The following SPDEF variants were observed in gnomAD, a reference collection of about 807,000 sequenced individuals.
SPDEF encodes the protein SAM pointed domain-containing Ets transcription factor.
Under a neutral mutation model 36.0 loss-of-function variants are expected in SPDEF, and 12 were observed. That is an observed-to-expected ratio of 0.33 (90% CI 0.21 to 0.54). The LOEUF (loss-of-function observed/expected upper bound fraction) is 0.54, where lower values mean the gene tolerates loss of function less well. SPDEF is among the 20% of genes least tolerant of loss of function. The probability of loss-of-function intolerance (pLI) is 0.93; values close to 1 mark genes in which losing one functional copy is unlikely to be tolerated. For missense variants in SPDEF, 388 were observed against 456.9 expected (o/e 0.85, Z 1.37); for synonymous variants, 205 against 193.0 (o/e 1.06, Z -0.51).
In SPDEF at chr6:34,541,195, A is replaced by T. The variant is rs376417530; in HGVS notation, c.437-14T>A. On this transcript the variant is annotated splice_polypyrimidine_tract_variant and intron_variant, in intron 2 of 5. Coordinates refer to ENST00000374037, the MANE Select transcript of SPDEF (RefSeq NM_012391.3). ...AGTCCATGGGATCTGGGCAAGAGGC[A>T]TCCCCTCAGCTCAGGGGTGGCCTGA... 252 of 1,585,888 alleles carry T rather than the reference A, an allele frequency of 1.6e-4. No individual in the cohort carries two copies. In the African/African-American group the frequency reaches 3.0e-3, roughly 19 times the overall value.
At position 34,540,985 on chromosome 6, in the gene SPDEF, T is replaced by C. The variant is rs763944698; in HGVS notation, c.633A>G (p.Ser211=). The change falls in exon 3 of 6, where the codon TCA becomes TCG. Residue 211 remains serine (S), a splice_region_variant and synonymous_variant. Transcript: ENST00000374037. ...GCTCCCAGCCATGCCACATCCTACC[T>C]GACTTCCAGATGTCCAGGTGGGCGT... The part of the protein sequence containing the change: ...VLHAHLDIWK[S]AAWMKERTSP... 1.5e-5 allele frequency: 24 copies of C among 1,609,920 alleles called. No homozygotes were observed. The highest frequency in any genetic ancestry group is 2.2e-4 in the Middle Eastern group (1 of 4,642).
intron 2 of SPDEF, 146 bp downstream of exon 2, chr6:34,543,874 T>G: frequency 1.4e-6 from 1 of 709,966 alleles, no homozygotes; most frequent in Non-Finnish European, 2.3e-6. Flanking sequence ...CAGCTGACTG[T>G]GTGTAGAAGT....
intron 2 of SPDEF, among the ~76,000 whole-genome samples, chr6:34,542,772 C>G (rs976309870): frequency 6.6e-6 from 1 of 151,692 alleles, no homozygotes; most frequent in Non-Finnish European, 1.5e-5. Context: ...CACCTGTAAT[C>G]CCAGCTTCTC....
rs1582000428 is a variant in SPDEF at position 34,544,491 on chromosome 6, A to G, written c.-29-7T>C. 6.7e-7 allele frequency: 1 copy of G among 1,498,902 alleles called. No homozygotes were observed. 92.9% of individuals were successfully genotyped at this position (1,498,902 alleles called of 1,614,324 possible). On this transcript the variant is annotated splice_region_variant and splice_polypyrimidine_tract_variant and intron_variant, in intron 1 of 5. Coordinates refer to ENST00000374037, the MANE Select transcript of SPDEF (RefSeq NM_012391.3). The surrounding 1 kb of genome is among the most constrained non-coding windows in gnomAD (Gnocchi z 4.4). ...TTTGGGCTGGCGGCTGTGTCTACGG[A>G]AATGAAAGAGGACTCAGGTTTGACT...
chr6:34,541,400 A>G (rs1026703629), intron 2 of SPDEF, among the ~76,000 whole-genome samples: 2 of 152,170 alleles, frequency 1.3e-5, no homozygotes, highest in African/African-American at 4.8e-5. Flanking sequence ...AACTTGGTTC[A>G]GGGCAGGGTA....
Position 34,540,696 on chromosome 6 carries a change from C to T in SPDEF, c.634+288G>A, listed in dbSNP as rs539615060. 3.9e-5 allele frequency among the ~76,000 whole-genome samples: 6 copies of T among 152,296 alleles called. No homozygotes were observed. The South Asian group carries it at 6.2e-4, about 16-fold the overall frequency. On this transcript the variant is annotated intron_variant, in intron 3 of 5. Transcript: ENST00000374037. The stretch of plus-strand genomic sequence containing the variant: ...AGGAAAAAGGACTTCCTAGTATCCA[C>T]GGTTGTCCCCAGCTCTGACATCCTG...
chr6:34,539,579 G>A lies in SPDEF; in HGVS notation c.635-17C>T, dbSNP rs113396074. 57 of 1,561,600 alleles carry A rather than the reference G, an allele frequency of 3.7e-5. No individual in the cohort carries two copies. The Middle Eastern group carries it at 6.3e-4, about 17-fold the overall frequency. ...TCCAGGCCGCTGCAGGGCAAGGAGAGGGGGTTGGGGACCCAGGAGAGGCCC... is the reference window on the plus strand; with the variant it reads ...TCCAGGCCGCTGCAGGGCAAGGAGAAGGGGTTGGGGACCCAGGAGAGGCCC... On this transcript the variant is annotated splice_polypyrimidine_tract_variant and intron_variant, in intron 3 of 5. Transcript: ENST00000374037. The surrounding 1 kb of genome is among the most constrained non-coding windows in gnomAD (Gnocchi z 5.2).
Position 34,544,554 on chromosome 6 carries a change from G to T in SPDEF, c.-29-70C>A. 1 of 1,261,558 alleles carries T rather than the reference G, an allele frequency of 7.9e-7. No individual in the cohort carries two copies. The highest frequency in any genetic ancestry group is 1.1e-6 in the Non-Finnish European group (1 of 943,056). The allele number at this position is 1,261,558 out of a possible 1,614,324, so 78.1% of individuals were successfully genotyped here. ...CTGTGGGGGCCGCTAAGCTGGTTAT[G>T]GGGATGAGGGGCCCTGTGGACAGTG... On this transcript the variant is annotated intron_variant, in intron 1 of 5. Coordinates refer to ENST00000374037, the MANE Select transcript of SPDEF (RefSeq NM_012391.3). The surrounding 1 kb of genome is among the most constrained non-coding windows in gnomAD (Gnocchi z 4.4).
chr6:34,544,376 C>G lies in SPDEF; in HGVS notation c.80G>C (p.Gly27Ala). 6.2e-7 allele frequency: 1 copy of G among 1,600,316 alleles called. No individual in the cohort carries two copies. The highest frequency in any genetic ancestry group is 8.5e-7 in the Non-Finnish European group (1 of 1,173,718). The change falls in exon 2 of 6, where the codon GGC (glycine) becomes GCC (alanine). Residue 27 changes from glycine to alanine, a missense_variant. Gly to Ala is a moderately conservative substitution (Grantham distance 60, BLOSUM62 0). Transcript: ENST00000374037. This position sits in a 1 kb window ranked among gnomAD's most constrained non-coding sequence, Gnocchi z 4.4. ...TGCCCCCGCTGCCGCCTTCTCCAAG[C>G]CTGTCCGCGACACCGTGTCGGGGGG... is the stretch of plus-strand genomic sequence containing the variant. ...LLPPDTVSRT[G>A]LEKAAAGAVG...
In SPDEF at chr6:34,538,218, C is replaced by G; in HGVS notation, c.*56G>C. ...CCCCCATCTCAGGGCCTGGCTGAGG[C>G]AGGGCAGGCAGGAGAGAGGCCCCTG... On this transcript the variant is annotated 3_prime_UTR_variant, in exon 6 of 6. Transcript: ENST00000374037. The surrounding 1 kb of genome is among the most constrained non-coding windows in gnomAD (Gnocchi z 5.9). The G allele has an allele frequency of 6.5e-7, 1 of 1,547,378 alleles. No individual in the cohort carries two copies. The highest frequency in any genetic ancestry group is 8.8e-7 in the Non-Finnish European group (1 of 1,132,326).
Position 34,541,038 on chromosome 6 carries a change from G to A in SPDEF, c.580C>T (p.Arg194Cys), listed in dbSNP as rs776371276. Reference protein sequence around the residue: ...CAMSEEQFRQRSPLGGDVLHA... With the variant: ...CAMSEEQFRQCSPLGGDVLHA... Reference sequence around the variant, plus strand: ...AGCACATCCCCACCCAGGGGCGAGCGCTGGCGGAACTGCTCCTCCGACATG... The same window carrying A: ...AGCACATCCCCACCCAGGGGCGAGCACTGGCGGAACTGCTCCTCCGACATG... Residue 194 changes from arginine to cysteine, a missense_variant, in exon 3 of 6, where the codon CGC becomes TGC. By Grantham distance (180) the Arg-to-Cys change is radical. This residue lies in a region of SPDEF where 308 missense variants were observed against 326.1 expected (regional missense o/e 0.94). Transcript: ENST00000374037. 104 of 1,612,338 alleles carry A rather than the reference G, an allele frequency of 6.5e-5. No homozygotes were observed. The highest frequency in any genetic ancestry group is 3.7e-4 in the Middle Eastern group (2 of 5,410).
At chr6:34,546,924 G>C (rs1277795570) in intron 1 of SPDEF, among the ~76,000 whole-genome samples, 1 of 152,088 alleles carries the variant, frequency 6.6e-6, no homozygotes, top group Non-Finnish European at 1.5e-5. Context: ...CCAACAGCTC[G>C]CTCTGCCCCT....
Position 34,552,542 on chromosome 6 carries a change from C to A in SPDEF, c.-30+3387G>T, listed in dbSNP as rs953091500. Among the ~76,000 whole-genome samples, 2 of 152,198 alleles carry A rather than the reference C, an allele frequency of 1.3e-5. No homozygotes were observed. Among genetic ancestry groups the A allele is most frequent in the African/African-American group, 4.8e-5 (2 of 41,440 alleles). On this transcript the variant is annotated intron_variant, in intron 1 of 5. Transcript: ENST00000374037. This position sits in a 1 kb window ranked among gnomAD's most constrained non-coding sequence, Gnocchi z 4.6. ...GCTGTCTCCATCTGCCGTGTTTCTG[C>A]GGCCCCTCCAGACCCAGCACAGGCC...
In SPDEF at chr6:34,555,241, G is replaced by T. The variant is rs374174719; in HGVS notation, c.-30+688C>A. 3.7e-4 allele frequency among the ~76,000 whole-genome samples: 56 copies of T among 152,080 alleles called. 2 individuals carry two copies. The East Asian group carries it at 5.6e-3, about 15-fold the overall frequency. On this transcript the variant is annotated intron_variant, in intron 1 of 5. Coordinates refer to ENST00000374037, the MANE Select transcript of SPDEF (RefSeq NM_012391.3). The surrounding 1 kb of genome is among the most constrained non-coding windows in gnomAD (Gnocchi z 5.2). Reference sequence around the variant, plus strand: ...TTCCTCTCTCCACCGCAGAAATCTGGCAAATCTTAGAAATGAGCACCTTCG... The same window carrying T: ...TTCCTCTCTCCACCGCAGAAATCTGTCAAATCTTAGAAATGAGCACCTTCG...
At chr6:34,554,987 C>A (rs1032088295) in intron 1 of SPDEF, among the ~76,000 whole-genome samples, 4 of 152,176 alleles carry the variant, frequency 2.6e-5, no homozygotes, top group Admixed American at 2.6e-4. Context: ...TGGGTGTGGG[C>A]TGCTGGGCGG....
At chr6:34,543,831 G>C (rs1323505769) in intron 2 of SPDEF, among the ~76,000 whole-genome samples, 189 bp downstream of exon 2, 2 of 152,208 alleles carry the variant, frequency 1.3e-5, no homozygotes, top group Admixed American at 6.5e-5. Flanking sequence ...TGGGACACTA[G>C]AGGTGGACAG....
intron 1 of SPDEF, among the ~76,000 whole-genome samples, chr6:34,553,968 A>T (rs933681421): frequency 7.8e-6 from 1 of 128,520 alleles, no homozygotes; most frequent in African/African-American, 3.0e-5. Context: ...TGGCAAATCC[A>T]ACTCCTACAC....
At chr6:34,540,562 G>A (rs2127282312) in intron 3 of SPDEF, among the ~76,000 whole-genome samples, 1 of 151,954 alleles carries the variant, frequency 6.6e-6, no homozygotes, top group South Asian at 2.1e-4. Context: ...GGGGGAAACT[G>A]TTCATGGTAC....
intron 3 of SPDEF, among the ~76,000 whole-genome samples, chr6:34,540,147 C>T (rs577315084): frequency 1.3e-5 from 2 of 152,138 alleles, no homozygotes; most frequent in South Asian, 4.2e-4. Flanking sequence ...CCAAAAAATA[C>T]AAAAATTAGC....
Sources: allele counts gnomAD v4.1 joint callset (sites outside exome capture counted in the v4.1 genomes callset), GRCh38; gene constraint gnomAD v4.1.1; regional missense constraint gnomAD v4.1.1; non-coding constraint Gnocchi (gnomAD v3.1); transcripts MANE v1.5; gene names NCBI Gene and HGNC (gene_info 2026-07-23, HGNC 2026-07-21).